LRRC49: variants seen among roughly 807,000 people sequenced by gnomAD.
LRRC49 encodes leucine rich repeat containing 49.
In LRRC49, 50 loss-of-function variants were observed where a neutral mutation model predicts 83.3. The ratio of observed to expected loss-of-function variants is 0.60; its 90% CI spans 0.48 to 0.76. LRRC49 has a LOEUF of 0.76. Ranked by LOEUF, LRRC49 falls within the 30% of genes least tolerant of loss-of-function variation. The probability of loss-of-function intolerance (pLI) is 0.00; values close to 1 mark genes in which losing one functional copy is unlikely to be tolerated. For synonymous variants in LRRC49, 286 were observed against 283.3 expected (o/e 1.01, Z -0.10); for missense variants, 704 against 809.1 (o/e 0.87, Z 1.58).
intron 9 of LRRC49, among the ~76,000 whole-genome samples, chr15:70,976,187 C>T (rs2037200102): frequency 6.6e-6 from 1 of 152,118 alleles, no homozygotes; most frequent in South Asian, 2.1e-4. Flanking sequence ...TGACTATTTC[C>T]CTCCCCAGTA....
intron 14 of LRRC49, among the ~76,000 whole-genome samples, chr15:71,017,533 A>T (rs985732427): frequency 1.3e-5 from 2 of 152,290 alleles, no homozygotes; most frequent in African/African-American, 4.8e-5. Flanking sequence ...GACAGTTGAG[A>T]TAATAGAAAA....
chr15:70,912,175 T>G (rs2034575812), intron 6 of LRRC49, among the ~76,000 whole-genome samples: 1 of 152,214 alleles, frequency 6.6e-6, no homozygotes, highest in Non-Finnish European at 1.5e-5. Context: ...TAGTTGTATG[T>G]TCCATGGTAA....
chr15:70,887,161 C>A (rs1241716538), intron 2 of LRRC49, among the ~76,000 whole-genome samples: 1 of 152,070 alleles, frequency 6.6e-6, no homozygotes, highest in Non-Finnish European at 1.5e-5. Flanking sequence ...AAACTCCTGT[C>A]TTATCAATGA....
intron 5 of LRRC49, chr15:70,907,951 C>A (rs1415298193): frequency 2.2e-6 from 1 of 455,936 alleles, no homozygotes; most frequent in Admixed American, 2.3e-5. Flanking sequence ...CCTTCTAGGT[C>A]AACTGATGCC....
chr15:71,037,717 T>C (rs2039568828), intron 15 of LRRC49, among the ~76,000 whole-genome samples: 1 of 152,188 alleles, frequency 6.6e-6, no homozygotes, highest in Non-Finnish European at 1.5e-5. Flanking sequence ...CAGCAGGACC[T>C]CCGTTTTTGT....
At chr15:70,925,162 G>A (rs1306783314) in intron 7 of LRRC49, among the ~76,000 whole-genome samples, 1 of 151,978 alleles carries the variant, frequency 6.6e-6, no homozygotes, top group African/African-American at 2.4e-5. Context: ...CTAAATATAT[G>A]TGGACTTGGT....
intron 8 of LRRC49, among the ~76,000 whole-genome samples, chr15:70,947,110 G>A (rs1038427941): frequency 6.6e-6 from 1 of 152,084 alleles, no homozygotes; most frequent in East Asian, 1.9e-4. Flanking sequence ...GTATTGGCTT[G>A]TTATTCTTCA....
intron 8 of LRRC49, among the ~76,000 whole-genome samples, chr15:70,946,520 C>G (rs2036013766): frequency 6.6e-6 from 1 of 152,050 alleles, no homozygotes; most frequent in African/African-American, 2.4e-5. Context: ...GATTCCATAT[C>G]TTGGTTATTG....
chr15:70,883,996 T>C (rs1348184150), intron 2 of LRRC49, among the ~76,000 whole-genome samples: 1 of 151,592 alleles, frequency 6.6e-6, no homozygotes, highest in Admixed American at 6.6e-5. Flanking sequence ...GGGTGAGAGG[T>C]AGAAAGAAGG....
intron 11 of LRRC49, among the ~76,000 whole-genome samples, chr15:70,992,567 G>A (rs896665585): frequency 2.6e-5 from 4 of 152,200 alleles, no homozygotes; most frequent in African/African-American, 9.6e-5. Context: ...GTTTGCTGGA[G>A]GTCCACTCCA....
intron 8 of LRRC49, among the ~76,000 whole-genome samples, chr15:70,944,017 A>G (rs1233317834): frequency 1.3e-5 from 2 of 152,204 alleles, no homozygotes; most frequent in African/African-American, 4.8e-5. Flanking sequence ...AGATTTGTGT[A>G]TCTGAGGCAG....
intron 2 of LRRC49, among the ~76,000 whole-genome samples, chr15:70,880,769 A>T (rs545256209): frequency 2.6e-5 from 4 of 152,344 alleles, no homozygotes; most frequent in African/African-American, 9.6e-5. Flanking sequence ...TTTAACATGT[A>T]GAAATGAAGT....
chr15:71,011,508 G>A (rs183743813), intron 13 of LRRC49, among the ~76,000 whole-genome samples: 23 of 152,226 alleles, frequency 1.5e-4, no homozygotes, highest in African/African-American at 5.1e-4. Context: ...CTCAATGCCA[G>A]GGATATTTGA....
Position 71,008,465 on chromosome 15 carries a change from C to T in LRRC49, c.1256C>T (p.Ser419Phe). Residue 419 changes from serine (S) to phenylalanine (F), a missense_variant, in exon 12 of 16, where the codon TCC becomes TTC. Physicochemically the swap from Ser to Phe is radical, Grantham distance 155. Around this residue, in one of 3 missense-constraint regions of LRRC49, gnomAD observed 275 missense variants for 338.0 expected, o/e 0.81. Transcript: ENST00000260382. Reference protein sequence around the residue: ...YLVEVDGDTLSLYGSGALESL... With the variant: ...YLVEVDGDTLFLYGSGALESL... ...GTTGAAGTGGACGGGGATACACTTT[C>T]CCTATATGGCTCAGGAGCACTGGAA... 1 of 1,612,806 alleles carries T rather than the reference C, an allele frequency of 6.2e-7. No individual in the cohort carries two copies. Among genetic ancestry groups the T allele is most frequent in the Non-Finnish European group, 8.5e-7 (1 of 1,179,134 alleles).
At chr15:70,947,698 A>G (rs2036058556) in intron 8 of LRRC49, among the ~76,000 whole-genome samples, 1 of 152,166 alleles carries the variant, frequency 6.6e-6, no homozygotes, top group Admixed American at 6.5e-5. Flanking sequence ...GCCCTACCCT[A>G]GACATTCTGG....
intron 8 of LRRC49, among the ~76,000 whole-genome samples, chr15:70,946,791 G>A (rs1025168852): frequency 6.6e-6 from 1 of 152,078 alleles, no homozygotes; most frequent in African/African-American, 2.4e-5. Flanking sequence ...CCTAACAGGT[G>A]TGAGATGATA....
rs550573394 is a variant in LRRC49, at chr15:70,882,427, C to T, written c.18+9204C>T. On this transcript the variant is annotated intron_variant, in intron 2 of 16. Coordinates refer to the LRRC49 transcript ENST00000544974. ...TGAGTAAAGATTTGAAAATCTATAGCACATCAGAGCATTTGATGTTGAGTT... is the reference window on the plus strand; with the variant it reads ...TGAGTAAAGATTTGAAAATCTATAGTACATCAGAGCATTTGATGTTGAGTT... 38 of 1,510,422 alleles carry T rather than the reference C, an allele frequency of 2.5e-5. 1 individual carries two copies. In the South Asian group the frequency reaches 3.9e-4, roughly 16 times the overall value. The allele number at this position is 1,510,422 out of a possible 1,614,324, so 93.6% of individuals were successfully genotyped here.
chr15:70,995,058 G>A (rs1226900043), intron 11 of LRRC49, among the ~76,000 whole-genome samples: 1 of 152,144 alleles, frequency 6.6e-6, no homozygotes, highest in African/African-American at 2.4e-5. Flanking sequence ...TCGCAGAGTA[G>A]CTAAGTATAA....
At chr15:70,870,857 G>T (rs2033011411) in intron 1 of LRRC49, among the ~76,000 whole-genome samples, 1 of 151,712 alleles carries the variant, frequency 6.6e-6, no homozygotes, top group Non-Finnish European at 1.5e-5. Context: ...GAATCAAATT[G>T]TAACTAAAAA....
Sources: gnomAD v4.1 joint callset for allele counts (sites outside exome capture counted in the v4.1 genomes callset) on GRCh38, gnomAD v4.1.1 for gene constraint, gnomAD v4.1.1 regional missense constraint, MANE v1.5 for transcripts, NCBI Gene and HGNC (gene_info 2026-07-23, HGNC 2026-07-21) for gene names.